IRAG1: variants seen among roughly 807,000 people sequenced by gnomAD.
IRAG1 encodes the protein inositol 1,4,5-triphosphate receptor associated 1.
In IRAG1, 62 loss-of-function variants were observed where a neutral mutation model predicts 106.2. The ratio of observed to expected loss-of-function variants is 0.58; its 90% confidence interval spans 0.48 to 0.72. IRAG1 has a LOEUF of 0.72. Ranked by LOEUF, IRAG1 falls within the 30% of genes least tolerant of loss-of-function variation. The pLI is 0.00. For missense variants in IRAG1, 1,064 were observed against 1,140.7 expected (o/e 0.93, Z 0.97); for synonymous variants, 462 against 443.9 (o/e 1.04, Z -0.51).
At position 10,626,487 on chromosome 11, in the gene IRAG1, T is replaced by C. The variant is rs1167428212; in HGVS notation, c.847A>G (p.Lys283Glu). Residue 283 changes from lysine (K) to glutamate (E), a missense_variant, in exon 9 of 21, where the codon AAA (lysine) becomes GAA (glutamate). Lys to Glu is a moderately conservative substitution (Grantham distance 56, BLOSUM62 1). Transcript: ENST00000423302. Reference protein sequence around the residue: ...APRPPPVEKSKEIAIEQKENF... With the variant: ...APRPPPVEKSEEIAIEQKENF... ...TCCTTTTGTTCTATTGCAATCTCTT[T>C]GGACTTCTCAACTGGAGGAGGACGA... is the stretch of plus-strand genomic sequence containing the variant. 6.2e-7 allele frequency: 1 copy of C among 1,613,558 alleles called. No individual in the cohort carries two copies. Among genetic ancestry groups the C allele is most frequent in the African/African-American group, 1.3e-5 (1 of 74,914 alleles).
chr11:10,673,411 C>T (rs1350048710), intron 1 of IRAG1, among the ~76,000 whole-genome samples: 1 of 151,964 alleles, frequency 6.6e-6, no homozygotes, highest in African/African-American at 2.4e-5. Flanking sequence ...AAAAACCATA[C>T]GTATTATTTT....
intron 1 of IRAG1, among the ~76,000 whole-genome samples, chr11:10,689,333 T>C (rs753530927): frequency 5.3e-5 from 8 of 152,228 alleles, no homozygotes; most frequent in Non-Finnish European, 7.3e-5. Flanking sequence ...CATTCCCGGC[T>C]GACCCTGGAC....
Position 10,600,949 on chromosome 11 carries a change from A to G in IRAG1, c.1986T>C (p.Asn662=). Residue 662 remains asparagine, a synonymous_variant, in exon 15 of 21, where the codon AAT becomes AAC. Coordinates refer to ENST00000423302, the MANE Select transcript of IRAG1 (RefSeq NM_130385.4). The stretch of plus-strand genomic sequence containing the variant: ...GGCCACAGCTGCGGCTTGAATTCTG[A>G]TTTGCAAGCTTTTTAAACTCCATGA... ...AELMEFKKLA[N]QNSSRSCGPS... is the part of the protein sequence containing the mutation. 6.2e-7 allele frequency: 1 copy of G among 1,613,978 alleles called. No homozygotes were observed.
chr11:10,595,081 C>T (rs1340450791), intron 15 of IRAG1, among the ~76,000 whole-genome samples: 2 of 152,092 alleles, frequency 1.3e-5, no homozygotes, highest in East Asian at 1.9e-4. Context: ...TGTGCCACCA[C>T]ACCTGGTTAA....
At chr11:10,691,272 C>T (rs1220445385) in intron 1 of IRAG1, among the ~76,000 whole-genome samples, 1 of 152,198 alleles carries the variant, frequency 6.6e-6, no homozygotes, top group Non-Finnish European at 1.5e-5. Flanking sequence ...CGTGTGCTCC[C>T]GGCATTCTGG....
chr11:10,674,568 C>T (rs1473776942), intron 1 of IRAG1, among the ~76,000 whole-genome samples: 1 of 152,214 alleles, frequency 6.6e-6, no homozygotes, highest in African/African-American at 2.4e-5. Flanking sequence ...AGCACCACTC[C>T]TCTGGGCTTT....
At chr11:10,612,211 G>C (rs577882063) in intron 10 of IRAG1, among the ~76,000 whole-genome samples, 2 of 152,170 alleles carry the variant, frequency 1.3e-5, no homozygotes, top group African/African-American at 4.8e-5. Flanking sequence ...GGAAGCATTG[G>C]GTCAAGTCTG....
chr11:10,623,929 A>G (rs1452739779), intron 9 of IRAG1, 73 bp from the exon 10 acceptor site: 2 of 1,420,474 alleles, frequency 1.4e-6, no homozygotes, highest in African/African-American at 2.8e-5. Flanking sequence ...GGCTCTGTCT[A>G]TGGTTCTGCG....
At chr11:10,651,982 G>A (rs1319695953) in intron 2 of IRAG1, 43 bp downstream of exon 2, 1 of 1,517,652 alleles carries the variant, frequency 6.6e-7, no homozygotes, top group South Asian at 1.2e-5. Flanking sequence ...TGCTTGGCTT[G>A]GCCCCCAGCC....
intron 20 of IRAG1, among the ~76,000 whole-genome samples, chr11:10,580,250 C>T (rs1392702925): frequency 6.6e-6 from 1 of 152,218 alleles, no homozygotes. Context: ...TTGCAAACTT[C>T]TCATTGCTAG....
At chr11:10,615,229 G>A (rs926088483) in intron 10 of IRAG1, among the ~76,000 whole-genome samples, 2 of 152,192 alleles carry the variant, frequency 1.3e-5, no homozygotes, top group Admixed American at 1.3e-4. Flanking sequence ...AAACCACAAT[G>A]AGATACCATC....
At chr11:10,579,208 G>C (rs1326953445) in intron 20 of IRAG1, among the ~76,000 whole-genome samples, 1 of 152,202 alleles carries the variant, frequency 6.6e-6, no homozygotes, top group Non-Finnish European at 1.5e-5. Flanking sequence ...ACCAGCATGG[G>C]CTGAGACCTC....
At chr11:10,635,075 T>C (rs947975565) in intron 2 of IRAG1, among the ~76,000 whole-genome samples, 3 of 152,160 alleles carry the variant, frequency 2.0e-5, no homozygotes, top group Admixed American at 6.5e-5. Flanking sequence ...AGTCCTCAGA[T>C]TGAGGCCAGC....
At chr11:10,591,389 G>T (rs568891102) in intron 18 of IRAG1, among the ~76,000 whole-genome samples, 159 bp downstream of exon 18, 136 of 152,272 alleles carry the variant, frequency 8.9e-4, no homozygotes, top group African/African-American at 2.8e-3. Context: ...TTGCAAACAG[G>T]TTCTGAAATC....
At chr11:10,681,592 C>T (rs1861264424) in intron 1 of IRAG1, among the ~76,000 whole-genome samples, 1 of 151,982 alleles carries the variant, frequency 6.6e-6, no homozygotes, top group Non-Finnish European at 1.5e-5. Flanking sequence ...ATCACTGGGC[C>T]CTGTAGGGTG....
intron 2 of IRAG1, among the ~76,000 whole-genome samples, chr11:10,643,953 G>A (rs1443397451): frequency 1.3e-5 from 2 of 152,228 alleles, no homozygotes; most frequent in Non-Finnish European, 2.9e-5. Flanking sequence ...GTCTGTAACC[G>A]TCAACATTTC....
intron 13 of IRAG1, among the ~76,000 whole-genome samples, chr11:10,603,832 G>T (rs1854246008): frequency 1.3e-5 from 2 of 152,178 alleles, no homozygotes; most frequent in South Asian, 4.1e-4. Flanking sequence ...AGATATAATG[G>T]AAAGGTGGTA....
intron 1 of IRAG1, among the ~76,000 whole-genome samples, chr11:10,689,330 G>A (rs950107674): frequency 3.9e-5 from 6 of 152,080 alleles, no homozygotes; most frequent in African/African-American, 7.2e-5. Context: ...TCTCATTCCC[G>A]GCTGACCCTG....
At chr11:10,599,444 C>T (rs76385522) in intron 15 of IRAG1, among the ~76,000 whole-genome samples, 2,904 of 152,228 alleles carry the variant, frequency 0.019, 35 homozygotes, top group Non-Finnish European at 0.031. Context: ...CGGCAACTTC[C>T]TCAGCTTCCA....
Sources: gnomAD v4.1 joint callset for allele counts (sites outside exome capture counted in the v4.1 genomes callset) on GRCh38, gnomAD v4.1.1 for gene constraint, MANE v1.5 for transcripts, NCBI Gene and HGNC (gene_info 2026-07-23, HGNC 2026-07-21) for gene names.